Variants in ADAMTS7 observed in about 807,000 individuals in gnomAD.
The protein encoded by ADAMTS7 is A disintegrin and metalloproteinase with thrombospondin motifs 7.
Under a neutral mutation model 172.6 loss-of-function variants are expected in ADAMTS7, and 89 were observed. The ratio of observed to expected loss-of-function variants is 0.52; its 90% confidence interval spans 0.43 to 0.61. The LOEUF (loss-of-function observed/expected upper bound fraction) is 0.61, where lower values mean the gene tolerates loss of function less well. Ranked by LOEUF, ADAMTS7 falls within the 20% of genes least tolerant of loss-of-function variation. The pLI is 0.00. For missense variants in ADAMTS7, 1,973 were observed against 2,355.6 expected (o/e 0.84, Z 3.36); for synonymous variants, 885 against 978.4 (o/e 0.90, Z 1.78).
rs1397319942 is a variant in ADAMTS7, at chr15:78,811,378, G to A, written c.-158C>T. ...TCCGTTCGGCTGCGCTCGGTCCGCG[G>A]GCAACAAAGGCTGCAGGGCCCGCCC... On this transcript the variant is annotated 5_prime_UTR_variant, in exon 1 of 24. Coordinates refer to ENST00000388820, the MANE Select transcript of ADAMTS7 (RefSeq NM_014272.5). 3.5e-6 allele frequency: 3 copies of A among 857,842 alleles called. No individual in the cohort carries two copies. Among genetic ancestry groups the A allele is most frequent in the African/African-American group, 1.8e-5 (1 of 56,816 alleles). The allele number at this position is 857,842 out of a possible 1,614,324, so 53.1% of individuals were successfully genotyped here.
intron 1 of ADAMTS7, among the ~76,000 whole-genome samples, chr15:78,803,387 TA>T (rs2055750362): frequency 6.6e-6 from 1 of 151,340 alleles, no homozygotes; most frequent in Non-Finnish European, 1.5e-5. Flanking sequence ...AAACAAAAAA[TA>T]ATTTAAAAAG....
intron 5 of ADAMTS7, 143 bp from the exon 6 acceptor site, chr15:78,790,937 C>T (rs2055572093): frequency 1.5e-6 from 2 of 1,373,796 alleles, no homozygotes; most frequent in South Asian, 1.3e-5. Context: ...TCCAGCCTGA[C>T]CATCCCTCCT....
At chr15:78,792,252 C>T (rs1235883300) in intron 4 of ADAMTS7, among the ~76,000 whole-genome samples, 1 of 152,168 alleles carries the variant, frequency 6.6e-6, no homozygotes, top group Admixed American at 6.5e-5. Context: ...CCTTGAACCA[C>T]CTTTCTCCAA....
rs577412535 is a variant in ADAMTS7, at chr15:78,761,448, A to G, written c.4903+955T>C. ...CCCAGGCCCTCTCCCTGACCTTGCA[A>G]TTGGGGATGACAGTGGCTGTGGGGG... On this transcript the variant is annotated intron_variant, in intron 23 of 23. Coordinates refer to ENST00000388820, the MANE Select transcript of ADAMTS7 (RefSeq NM_014272.5). 2.6e-5 allele frequency among the ~76,000 whole-genome samples: 4 copies of G among 152,288 alleles called. No individual in the cohort carries two copies. In the South Asian group the frequency reaches 8.3e-4, roughly 32 times the overall value.
At chr15:78,792,920 T>C (rs1415205140) in intron 4 of ADAMTS7, among the ~76,000 whole-genome samples, 1 of 152,166 alleles carries the variant, frequency 6.6e-6, no homozygotes, top group African/African-American at 2.4e-5. Flanking sequence ...CCACCCAAGC[T>C]CTAGGACTCA....
chr15:78,805,790 T>C (rs919291538), intron 1 of ADAMTS7, among the ~76,000 whole-genome samples: 2 of 151,982 alleles, frequency 1.3e-5, no homozygotes, highest in African/African-American at 4.8e-5. Flanking sequence ...TGCCTTCAAA[T>C]GGAGAAATGG....
chr15:78,772,346 C>T (rs183081800), intron 14 of ADAMTS7, among the ~76,000 whole-genome samples: 9 of 152,328 alleles, frequency 5.9e-5, no homozygotes, highest in Admixed American at 5.2e-4. Flanking sequence ...CGTACATGAA[C>T]ATCCTGCTGC....
At chr15:78,785,559 A>G (rs559975995) in intron 8 of ADAMTS7, among the ~76,000 whole-genome samples, 26 of 152,010 alleles carry the variant, frequency 1.7e-4, no homozygotes, top group African/African-American at 5.1e-4. Context: ...AAAAAAAAAA[A>G]AAAAGAAAAG....
chr15:78,762,663 T>A (rs1481603270), intron 22 of ADAMTS7, 98 bp from the exon 23 acceptor site: 40 of 1,027,064 alleles, frequency 3.9e-5, no homozygotes, highest in Non-Finnish European at 5.2e-5. Context: ...GCCCTGTGCC[T>A]GACTGGCCTG....
chr15:78,804,947 C>T lies in ADAMTS7; in HGVS notation c.101-4400G>A, dbSNP rs188809894. 3.9e-5 allele frequency among the ~76,000 whole-genome samples: 6 copies of T among 152,312 alleles called. 1 individual carries two copies. Among genetic ancestry groups the T allele is most frequent in the Admixed American group, 3.3e-4 (5 of 15,300 alleles). ...AAGAGCCTCCGGGAACTGTGATCCTCAGGAAAGTTAGGAAATCCCCCACTG... is the reference window on the plus strand; with the variant it reads ...AAGAGCCTCCGGGAACTGTGATCCTTAGGAAAGTTAGGAAATCCCCCACTG... On this transcript the variant is annotated intron_variant, in intron 1 of 23. Transcript: ENST00000388820.
At position 78,765,953 on chromosome 15, in the gene ADAMTS7, G is replaced by C. The variant is rs200896699; in HGVS notation, c.3958C>G (p.Pro1320Ala). 72 of 1,591,126 alleles carry C rather than the reference G, an allele frequency of 4.5e-5. No homozygotes were observed. Among genetic ancestry groups the C allele is most frequent in the Non-Finnish European group, 5.9e-5 (69 of 1,173,566 alleles). The change falls in exon 19 of 24, where the codon CCA (proline) becomes GCA (alanine). Residue 1320 changes from proline (P) to alanine (A), a missense_variant. This residue lies in a region of ADAMTS7 where 771 missense variants were observed against 952.6 expected (regional missense o/e 0.81). Transcript: ENST00000388820. ...LEPGTPSFPT[P>A]GPGSWDLQTV... ...TGCAGGTCCCATGAGCCTGGTCCTGGGGTTGGGAAGGAGGGAGTCCCCGGC... is the reference window on the plus strand; with the variant it reads ...TGCAGGTCCCATGAGCCTGGTCCTGCGGTTGGGAAGGAGGGAGTCCCCGGC...
At position 78,776,295 on chromosome 15, in the gene ADAMTS7, C is replaced by G. The variant is rs1243191439; in HGVS notation, c.1599G>C (p.Arg533=). The G allele has an allele frequency of 6.2e-7, 1 of 1,611,842 alleles. No homozygotes were observed. Among genetic ancestry groups the G allele is most frequent in the African/African-American group, 1.3e-5 (1 of 74,890 alleles). ...ACCAGCCACCATCCACGGCCTCGGG[C>G]CGGAAGCCCACGGGTACGCACTCCC... is the stretch of plus-strand genomic sequence containing the variant. The part of the protein sequence containing the change: ...LSGECVPVGF[R]PEAVDGGWSG... Residue 533 remains arginine (R), a synonymous_variant, in exon 11 of 24, where the codon CGG becomes CGC. Coordinates refer to ENST00000388820, the MANE Select transcript of ADAMTS7 (RefSeq NM_014272.5).
At chr15:78,801,406 A>C (rs2055723929) in intron 1 of ADAMTS7, among the ~76,000 whole-genome samples, 1 of 151,982 alleles carries the variant, frequency 6.6e-6, no homozygotes, top group Non-Finnish European at 1.5e-5. Flanking sequence ...TGTTCCCTAC[A>C]CCTGGAACAC....
intron 14 of ADAMTS7, among the ~76,000 whole-genome samples, chr15:78,772,442 C>T (rs182608082): frequency 3.3e-5 from 5 of 152,376 alleles, no homozygotes; most frequent in African/African-American, 9.6e-5. Flanking sequence ...CAGCCTGGCA[C>T]TCAAGGCCCC....
chr15:78,779,292 C>T (rs1474407937), intron 8 of ADAMTS7, among the ~76,000 whole-genome samples: 1 of 152,200 alleles, frequency 6.6e-6, no homozygotes, highest in Non-Finnish European at 1.5e-5. Context: ...GGCATACCCT[C>T]TCATTTGCTC....
chr15:78,774,808 G>A lies in ADAMTS7; in HGVS notation c.1707-15C>T, dbSNP rs369392981. 3.4e-5 allele frequency: 53 copies of A among 1,576,524 alleles called. No individual in the cohort carries two copies. Among genetic ancestry groups the A allele is most frequent in the Non-Finnish European group, 4.1e-5 (48 of 1,158,622 alleles). Reference sequence around the variant, plus strand: ...TGTATTTGGGCCTGTGGGGAGAACCGGGGTGGGCCCCAGTGACGGCCCAGT... The same window carrying A: ...TGTATTTGGGCCTGTGGGGAGAACCAGGGTGGGCCCCAGTGACGGCCCAGT... On this transcript the variant is annotated splice_polypyrimidine_tract_variant and intron_variant, in intron 11 of 23. Coordinates refer to ENST00000388820, the MANE Select transcript of ADAMTS7 (RefSeq NM_014272.5).
At chr15:78,803,931 A>G (rs2055757503) in intron 1 of ADAMTS7, among the ~76,000 whole-genome samples, 1 of 152,242 alleles carries the variant, frequency 6.6e-6, no homozygotes, top group Admixed American at 6.5e-5. Context: ...GAGAGATTAC[A>G]AAAAGTAAAT....
chr15:78,773,547 C>T (rs1230830286), intron 13 of ADAMTS7, among the ~76,000 whole-genome samples: 29 of 152,042 alleles, frequency 1.9e-4, no homozygotes, highest in South Asian at 1.2e-3. Context: ...GGAATTTCAA[C>T]GTCAAAGGCA....
At position 78,771,014 on chromosome 15, in the gene ADAMTS7, A is replaced by G. The variant is rs1460299262; in HGVS notation, c.2518+148T>C. The stretch of plus-strand genomic sequence containing the variant: ...GGGCCTGGGACACAGGGCAATCGCT[A>G]GCCTCATCTCACAGATGGAGAACTG... On this transcript the variant is annotated intron_variant, in intron 16 of 23. Transcript: ENST00000388820. This position sits in a 1 kb window ranked among gnomAD's most constrained non-coding sequence, Gnocchi z 4.9. 1.1e-4 allele frequency: 64 copies of G among 590,102 alleles called. No homozygotes were observed. The highest frequency in any genetic ancestry group is 1.3e-4 in the Non-Finnish European group (59 of 466,802). The allele number at this position is 590,102 out of a possible 1,614,324, so 36.6% of individuals were successfully genotyped here. A position where few individuals can be genotyped will look rare whatever the true frequency, so the allele number is the denominator to read the frequency against.
Sources: allele counts gnomAD v4.1 joint callset (sites outside exome capture counted in the v4.1 genomes callset), GRCh38; gene constraint gnomAD v4.1.1; regional missense constraint gnomAD v4.1.1; non-coding constraint Gnocchi (gnomAD v3.1); transcripts MANE v1.5; gene names NCBI Gene and HGNC (gene_info 2026-07-23, HGNC 2026-07-21).